Variants in LMX1A observed in about 807,000 individuals in gnomAD.
The protein encoded by LMX1A is LIM homeobox transcription factor 1 alpha.
LMX1A carries 15 observed loss-of-function variants against 49.1 expected under a neutral mutation model. The ratio of observed to expected loss-of-function variants is 0.31; its 90% CI spans 0.20 to 0.47. The LOEUF (loss-of-function observed/expected upper bound fraction) is 0.47. LMX1A is among the 20% of genes least tolerant of loss of function. LMX1A has a pLI of 1.00. For synonymous variants in LMX1A, 167 were observed against 185.7 expected (o/e 0.90, Z 0.82); for missense variants, 372 against 475.8 (o/e 0.78, Z 2.03).
chr1:165,350,083 A>G (rs1453749899), intron 3 of LMX1A, among the ~76,000 whole-genome samples: 1 of 148,926 alleles, frequency 6.7e-6, no homozygotes, highest in Non-Finnish European at 1.5e-5. Flanking sequence ...GTGCTCCCTA[A>G]TTTACCATCA....
chr1:165,217,403 A>T (rs1571153700), intron 4 of LMX1A, among the ~76,000 whole-genome samples: 1 of 151,934 alleles, frequency 6.6e-6, no homozygotes, highest in African/African-American at 2.4e-5. Flanking sequence ...GGAGGAGAAC[A>T]CCTCCTAGGT....
In LMX1A at chr1:165,213,677, C is replaced by T. The variant is rs1351255707; in HGVS notation, c.633G>A (p.Lys211=). The T allele has an allele frequency of 6.2e-6, 10 of 1,614,094 alleles. No individual in the cohort carries two copies. Among genetic ancestry groups the T allele is most frequent in the Non-Finnish European group, 8.5e-6 (10 of 1,180,044 alleles). Residue 211 remains lysine, a synonymous_variant, in exon 5 of 9, where the codon AAG becomes AAA. Coordinates refer to ENST00000342310, the MANE Select transcript of LMX1A (RefSeq NM_177398.4). ...ILTTQQRRAF[K]ASFEVSSKPC... is the part of the protein sequence containing the mutation. ...GCTTGGAGGATACTTCAAATGAGGC[C>T]TTGAATGCTCGCCTCTGTTGAGTTG... is the stretch of plus-strand genomic sequence containing the variant.
chr1:165,213,953 T>C, intron 4 of LMX1A, 140 bp from the exon 5 acceptor site: 1 of 727,310 alleles, frequency 1.4e-6, no homozygotes, highest in Admixed American at 2.8e-5. Context: ...GGTATTGCTT[T>C]GAAAGCTTCC....
At chr1:165,341,254 T>C (rs1452088546) in intron 3 of LMX1A, among the ~76,000 whole-genome samples, 1 of 152,166 alleles carries the variant, frequency 6.6e-6, no homozygotes, top group Non-Finnish European at 1.5e-5. Flanking sequence ...CACCACCATG[T>C]CCATGACCAG....
At chr1:165,260,758 G>C (rs1571185936) in intron 3 of LMX1A, among the ~76,000 whole-genome samples, 1 of 152,080 alleles carries the variant, frequency 6.6e-6, no homozygotes. Context: ...TGTAGGGGAG[G>C]CAAACAAGAA....
intron 4 of LMX1A, among the ~76,000 whole-genome samples, chr1:165,215,444 A>C (rs1651608521): frequency 2.6e-5 from 4 of 152,200 alleles, no homozygotes; most frequent in Admixed American, 2.6e-4. Flanking sequence ...TCTTTGCCTC[A>C]ATGGCTTTCC....
intron 4 of LMX1A, among the ~76,000 whole-genome samples, chr1:165,216,886 T>G (rs1199880465): frequency 6.6e-6 from 1 of 152,224 alleles, no homozygotes; most frequent in Non-Finnish European, 1.5e-5. Flanking sequence ...GAACACATTC[T>G]CAAGACTTAA....
intron 3 of LMX1A, among the ~76,000 whole-genome samples, chr1:165,327,207 G>A (rs1030284290): frequency 6.6e-6 from 1 of 152,138 alleles, no homozygotes; most frequent in East Asian, 1.9e-4. Flanking sequence ...AGAGATATAA[G>A]GAGAGGACTG....
chr1:165,214,023 T>C lies in LMX1A; in HGVS notation c.497-210A>G, dbSNP rs184559780. On this transcript the variant is annotated intron_variant, in intron 4 of 8. Coordinates refer to ENST00000342310, the MANE Select transcript of LMX1A (RefSeq NM_177398.4). ...GAGACAGGCAGCAGAAAGTCCACCA[T>C]TACACTTCAGGCTTTATCACAGCAT... Among the ~76,000 whole-genome samples the C allele has an allele frequency of 2.2e-3, 329 of 152,312 alleles. 1 individual carries two copies. The highest frequency in any genetic ancestry group is 2.2e-3 in the Admixed American group (34 of 15,304).
intron 5 of LMX1A, among the ~76,000 whole-genome samples, chr1:165,211,839 C>T (rs1312177918): frequency 6.6e-6 from 1 of 152,192 alleles, no homozygotes; most frequent in East Asian, 1.9e-4. Flanking sequence ...TTTCCCTTCC[C>T]TTGCTTCCTG....
intron 3 of LMX1A, among the ~76,000 whole-genome samples, chr1:165,279,214 C>T (rs542974147): frequency 4.6e-5 from 7 of 152,298 alleles, no homozygotes; most frequent in African/African-American, 1.7e-4. Flanking sequence ...TTATCCTTTG[C>T]AGGGGCTCCT....
intron 4 of LMX1A, chr1:165,218,515 G>A (rs1571154578): frequency 6.6e-6 from 1 of 152,416 alleles, no homozygotes; most frequent in Admixed American, 6.5e-5. Context: ...TATGGGTATA[G>A]TGGCGCCCTC....
At chr1:165,269,010 C>G (rs912299627) in intron 3 of LMX1A, among the ~76,000 whole-genome samples, 2 of 152,220 alleles carry the variant, frequency 1.3e-5, no homozygotes, top group Admixed American at 6.5e-5. Flanking sequence ...AGAGTCTAGA[C>G]TCATTACCTC....
At chr1:165,209,092 C>A (rs1025943935) in intron 6 of LMX1A, among the ~76,000 whole-genome samples, 2 of 152,110 alleles carry the variant, frequency 1.3e-5, no homozygotes, top group Non-Finnish European at 2.9e-5. Flanking sequence ...TTCTTTATTG[C>A]AAGATTTTTC....
At chr1:165,220,827 C>T (rs1021342927) in intron 4 of LMX1A, among the ~76,000 whole-genome samples, 4 of 152,084 alleles carry the variant, frequency 2.6e-5, no homozygotes, top group Non-Finnish European at 2.9e-5. Context: ...TAACTTTGAC[C>T]GTAAAATAGG....
chr1:165,262,913 A>G lies in LMX1A; in HGVS notation c.264-13273T>C, dbSNP rs567172305. Reference sequence around the variant, plus strand: ...AGGTACTTATCCCACCTTTTCTAACAAAATTGTCGTGTGAAGGTCACTAAT... The same window carrying G: ...AGGTACTTATCCCACCTTTTCTAACGAAATTGTCGTGTGAAGGTCACTAAT... On this transcript the variant is annotated intron_variant, in intron 3 of 8. Transcript: ENST00000342310. Among the ~76,000 whole-genome samples, 30 of 152,084 alleles carry G rather than the reference A, an allele frequency of 2.0e-4. No individual in the cohort carries two copies. The East Asian group carries it at 3.7e-3, about 19-fold the overall frequency.
chr1:165,283,785 T>C (rs1654223613), intron 3 of LMX1A, among the ~76,000 whole-genome samples: 1 of 152,258 alleles, frequency 6.6e-6, no homozygotes, highest in Admixed American at 6.5e-5. Context: ...TATGGTCTTC[T>C]AACCAATAAA....
intron 3 of LMX1A, among the ~76,000 whole-genome samples, chr1:165,274,237 T>C (rs1250506686): frequency 2.6e-4 from 39 of 152,220 alleles, no homozygotes; most frequent in Non-Finnish European, 4.9e-4. Context: ...CCAATACCTC[T>C]ACACACGTAT....
intron 4 of LMX1A, among the ~76,000 whole-genome samples, chr1:165,238,724 G>C (rs1337212708): frequency 6.6e-6 from 1 of 152,208 alleles, no homozygotes; most frequent in African/African-American, 2.4e-5. Context: ...GCCATAGCCA[G>C]CCAGAAAGAG....
Sources: gnomAD v4.1 joint callset for allele counts (sites outside exome capture counted in the v4.1 genomes callset) on GRCh38, gnomAD v4.1.1 for gene constraint, MANE v1.5 for transcripts, NCBI Gene and HGNC (gene_info 2026-07-23, HGNC 2026-07-21) for gene names.